The following ROCK2 variants were observed in gnomAD, a reference collection of about 807,000 sequenced individuals.
The protein encoded by ROCK2 is Rho associated coiled-coil containing protein kinase 2.
A neutral mutation model predicts 195.1 loss-of-function variants in ROCK2; 61 were observed. The ratio of observed to expected loss-of-function variants is 0.31; its 90% CI spans 0.25 to 0.39. The LOEUF is 0.39. Ranked by LOEUF, ROCK2 falls within the 10% of genes least tolerant of loss-of-function variation. ROCK2 has a pLI of 1.00. For missense variants in ROCK2, 1,109 were observed against 1,637.4 expected (o/e 0.68, Z 5.57); for synonymous variants, 504 against 545.5 (o/e 0.92, Z 1.06).
At chr2:11,193,729 A>G in intron 30 of ROCK2, 50 bp downstream of exon 30, 1 of 1,142,364 alleles carries the variant, frequency 8.8e-7, no homozygotes, top group Non-Finnish European at 1.3e-6. Flanking sequence ...CTAAATGTGA[A>G]AAAAACAAAA....
rs1256831444 is a variant in ROCK2, at chr2:11,192,385, A to T, written c.3950-24T>A. 6.3e-7 allele frequency: 1 copy of T among 1,597,352 alleles called. No individual in the cohort carries two copies. The highest frequency in any genetic ancestry group is 8.5e-7 in the Non-Finnish European group (1 of 1,173,780). ...TACTATAAAGAAAAATTAGAAAAAA[A>T]AATTAATGTGCTTAAAATGATCTGA... On this transcript the variant is annotated intron_variant, in intron 31 of 32. Transcript: ENST00000315872. This position sits in a 1 kb window ranked among gnomAD's most constrained non-coding sequence, Gnocchi z 5.0.
At chr2:11,331,047 G>GAGGAGGGAGA (rs1668750332) in intron 1 of ROCK2, among the ~76,000 whole-genome samples, 1 of 143,254 alleles carries the variant, frequency 7.0e-6, no homozygotes, top group Non-Finnish European at 1.5e-5. Context: ...GAGGAGGGAG[G>GAGGAGGGAGA]AGGAGGAGGA....
At chr2:11,327,689 A>G (rs887982901) in intron 1 of ROCK2, among the ~76,000 whole-genome samples, 1 of 152,120 alleles carries the variant, frequency 6.6e-6, no homozygotes, top group South Asian at 2.1e-4. Context: ...CAGACTCTCA[A>G]GAAGCTGGGA....
intron 1 of ROCK2, among the ~76,000 whole-genome samples, 164 bp downstream of exon 1, chr2:11,343,832 C>T (rs969430387): frequency 2.0e-5 from 3 of 152,178 alleles, no homozygotes; most frequent in Non-Finnish European, 4.4e-5. Flanking sequence ...ACTCTTGGAA[C>T]TCGGTGACAG....
chr2:11,293,998 A>G (rs897408962), intron 1 of ROCK2, among the ~76,000 whole-genome samples: 6 of 152,148 alleles, frequency 3.9e-5, no homozygotes, highest in Admixed American at 1.3e-4. Context: ...TCTACTAAAA[A>G]TACAAAAAAT....
At chr2:11,185,873 ATTGT>A (rs1663178426) in intron 32 of ROCK2, among the ~76,000 whole-genome samples, 1 of 152,164 alleles carries the variant, frequency 6.6e-6, no homozygotes, top group Non-Finnish European at 1.5e-5. Flanking sequence ...TGTAATCACT[ATTGT>A]CAGTGGTTCT....
rs1402114162 is a variant in ROCK2 at position 11,330,740 on chromosome 2, GGGAGGAGGGAGGA to G, written c.141+13243_141+13255del. Among the ~76,000 whole-genome samples, 5 of 43,284 alleles carry G rather than the reference GGGAGGAGGGAGGA, an allele frequency of 1.2e-4. 1 individual carries two copies. Among genetic ancestry groups the G allele is most frequent in the Admixed American group, 2.9e-4 (1 of 3,390 alleles). 28.4% of individuals were successfully genotyped at this position (43,284 alleles called of 152,430 possible). On this transcript the variant is annotated intron_variant, in intron 1 of 32. Transcript: ENST00000315872. ...GACAAGGGAGGAGGGAAGATGAGGA[GGGAGGAGGGAGGA>G]GGAGGAGGGAGGAGGAGGAGGGAGG... is the stretch of plus-strand genomic sequence containing the variant.
intron 5 of ROCK2, among the ~76,000 whole-genome samples, chr2:11,231,334 G>A (rs1477936555): frequency 6.6e-6 from 1 of 151,994 alleles, no homozygotes; most frequent in East Asian, 1.9e-4. Flanking sequence ...CACCTGAGTA[G>A]GTAGGTGGGA....
chr2:11,330,111 T>A (rs1369266375), intron 1 of ROCK2, among the ~76,000 whole-genome samples: 1 of 152,174 alleles, frequency 6.6e-6, no homozygotes, highest in Admixed American at 6.5e-5. Flanking sequence ...CCAATAAAAA[T>A]GTTTCTAAAT....
chr2:11,288,735 T>C (rs1433252777), intron 1 of ROCK2, among the ~76,000 whole-genome samples: 2 of 140,152 alleles, frequency 1.4e-5, no homozygotes, highest in Non-Finnish European at 3.3e-5. Context: ...TTTAGGGGAC[T>C]TGGATAGGGG....
intron 3 of ROCK2, among the ~76,000 whole-genome samples, chr2:11,278,815 T>C (rs555288582): frequency 6.6e-6 from 1 of 152,272 alleles, no homozygotes; most frequent in African/African-American, 2.4e-5. Flanking sequence ...GGTTTTGCCA[T>C]GTTCGCCAGG....
intron 17 of ROCK2, 83 bp downstream of exon 17, chr2:11,214,274 G>T: frequency 6.9e-6 from 5 of 723,224 alleles, no homozygotes; most frequent in South Asian, 5.3e-5. Context: ...TCCAGTTAGT[G>T]ACTTCCCTTA....
At chr2:11,297,558 T>TC (rs1553314204) in intron 1 of ROCK2, among the ~76,000 whole-genome samples, 2 of 152,158 alleles carry the variant, frequency 1.3e-5, no homozygotes, top group African/African-American at 2.4e-5. Flanking sequence ...TTGTTTTTTT[T>TC]TCTCTCTCTT....
In ROCK2 at chr2:11,344,483, G is replaced by A; in HGVS notation, c.-347C>T. On this transcript the variant is annotated 5_prime_UTR_variant, in exon 1 of 33. Coordinates refer to ENST00000315872, the MANE Select transcript of ROCK2 (RefSeq NM_004850.5). This position sits in a 1 kb window ranked among gnomAD's most constrained non-coding sequence, Gnocchi z 5.4. The stretch of plus-strand genomic sequence containing the variant: ...GGGAAGTGGCGCCGCCACCGCCGCG[G>A]CCCGGACCGCCCCGCCCTCTGGGGC... 3.0e-6 allele frequency: 3 copies of A among 996,142 alleles called. No homozygotes were observed. The highest frequency in any genetic ancestry group is 3.6e-6 in the Non-Finnish European group (3 of 837,596). 61.7% of individuals were successfully genotyped at this position (996,142 alleles called of 1,614,324 possible). A position where few individuals can be genotyped will look rare whatever the true frequency, so the allele number is the denominator to read the frequency against.
rs374813465 is a variant in ROCK2, at chr2:11,213,771, G to C, written c.2043+586C>G. 5.3e-5 allele frequency among the ~76,000 whole-genome samples: 8 copies of C among 151,808 alleles called. No homozygotes were observed. The East Asian group carries it at 5.8e-4, about 11-fold the overall frequency. On this transcript the variant is annotated intron_variant, in intron 17 of 32. Transcript: ENST00000315872. The stretch of plus-strand genomic sequence containing the variant: ...CCCATACACCCAATACATATACCCT[G>C]TCCATAAGTCTTATCATTCTATTTG...
At chr2:11,301,161 G>C (rs917129053) in intron 1 of ROCK2, among the ~76,000 whole-genome samples, 2 of 151,968 alleles carry the variant, frequency 1.3e-5, no homozygotes, top group African/African-American at 4.8e-5. Flanking sequence ...ACAATCTTAT[G>C]TTTATAAAAT....
chr2:11,280,390 G>A (rs1466522024), intron 3 of ROCK2, among the ~76,000 whole-genome samples: 1 of 151,702 alleles, frequency 6.6e-6, no homozygotes, highest in African/African-American at 2.4e-5. Context: ...TTGGGAGGCC[G>A]AGGCGGGCGG....
At chr2:11,305,319 T>A (rs978637548) in intron 1 of ROCK2, among the ~76,000 whole-genome samples, 16 of 152,258 alleles carry the variant, frequency 1.1e-4, no homozygotes, top group African/African-American at 3.6e-4. Flanking sequence ...GAAGTTGCAG[T>A]GAGCAGAGAT....
Position 11,235,577 on chromosome 2 carries a change from T to C in ROCK2, c.723+125A>G. On this transcript the variant is annotated intron_variant, in intron 5 of 32. Transcript: ENST00000315872. The surrounding 1 kb of genome is among the most constrained non-coding windows in gnomAD (Gnocchi z 4.2). Reference sequence around the variant, plus strand: ...ATGTTTTAAGTTGGTTATATCTTGTTTGGGTGCTATACAGTTATGAAAACT... The same window carrying C: ...ATGTTTTAAGTTGGTTATATCTTGTCTGGGTGCTATACAGTTATGAAAACT... 1.1e-6 allele frequency: 1 copy of C among 921,954 alleles called. No homozygotes were observed. The highest frequency in any genetic ancestry group is 1.6e-6 in the Non-Finnish European group (1 of 614,486). 57.1% of individuals were successfully genotyped at this position (921,954 alleles called of 1,614,324 possible). A position where few individuals can be genotyped will look rare whatever the true frequency, so the allele number is the denominator to read the frequency against.
Sources: allele counts gnomAD v4.1 joint callset (sites outside exome capture counted in the v4.1 genomes callset), GRCh38; gene constraint gnomAD v4.1.1; non-coding constraint Gnocchi (gnomAD v3.1); transcripts MANE v1.5; gene names NCBI Gene and HGNC (gene_info 2026-07-23, HGNC 2026-07-21).